The following CAMKMT variants were observed in gnomAD, a reference collection of about 807,000 sequenced individuals.
CAMKMT encodes CaM KMT.
CAMKMT carries 53 observed loss-of-function variants against 48.0 expected under a neutral mutation model. That is an observed-to-expected ratio of 1.10 (90% CI 0.89 to 1.39). The LOEUF is 1.39. Among genes scored for constraint, CAMKMT ranks in the 40% most tolerant of loss-of-function variants. The pLI, the probability that CAMKMT is intolerant of heterozygous loss-of-function variation, is 0.00. For missense variants in CAMKMT, 428 were observed against 402.7 expected (o/e 1.06, Z -0.54); for synonymous variants, 165 against 152.3 (o/e 1.08, Z -0.61).
At chr2:44,686,065 A>G (rs1396988676) in intron 3 of CAMKMT, among the ~76,000 whole-genome samples, 1 of 152,182 alleles carries the variant, frequency 6.6e-6, no homozygotes, top group African/African-American at 2.4e-5. Context: ...AGACACCTTC[A>G]TCAGCTCTCA....
At chr2:44,456,260 C>T (rs1667557931) in intron 3 of CAMKMT, among the ~76,000 whole-genome samples, 2 of 152,058 alleles carry the variant, frequency 1.3e-5, no homozygotes, top group Non-Finnish European at 2.9e-5. Flanking sequence ...ACTTGAATTA[C>T]AACAAAAGAG....
intron 3 of CAMKMT, among the ~76,000 whole-genome samples, chr2:44,686,266 G>A (rs1475848539): frequency 1.3e-5 from 2 of 151,736 alleles, no homozygotes; most frequent in Non-Finnish European, 2.9e-5. Context: ...GGTGGCGGGC[G>A]CCTGTAGTCC....
chr2:44,581,393 AT>A (rs770340419), intron 3 of CAMKMT, among the ~76,000 whole-genome samples: 25 of 152,200 alleles, frequency 1.6e-4, no homozygotes, highest in Non-Finnish European at 3.4e-4. Flanking sequence ...AGAGCTTGGA[AT>A]TAAATCTGTT....
rs572375370 is a variant in CAMKMT at position 44,758,011 on chromosome 2, TG to T, written c.762+3894del. On this transcript the variant is annotated intron_variant, in intron 9 of 10. Transcript: ENST00000378494. ...CCCCTGCACATGTATCCTGAACACC[TG>T]TAGCAGGCCCTGTACTGGTTCTGGG... 1.7e-4 allele frequency among the ~76,000 whole-genome samples: 26 copies of T among 152,318 alleles called. No homozygotes were observed. The South Asian group carries it at 3.7e-3, about 22-fold the overall frequency.
intron 3 of CAMKMT, among the ~76,000 whole-genome samples, chr2:44,437,091 C>G (rs1057293805): frequency 2.0e-5 from 3 of 152,080 alleles, no homozygotes; most frequent in Non-Finnish European, 4.4e-5. Flanking sequence ...GCTTACTATT[C>G]TGTCCAGATT....
intron 3 of CAMKMT, among the ~76,000 whole-genome samples, chr2:44,429,517 T>TTTG (rs999723745): frequency 1.1e-4 from 17 of 152,054 alleles, no homozygotes; most frequent in African/African-American, 3.9e-4. Flanking sequence ...TTCCAAGGTT[T>TTTG]TTGTTGTTGT....
At chr2:44,579,592 T>C (rs4952716) in intron 3 of CAMKMT, among the ~76,000 whole-genome samples, 94,691 of 152,092 alleles carry the variant, frequency 0.62, 30,005 homozygotes, top group Admixed American at 0.69. Flanking sequence ...CTCACTCGCA[T>C]TACTGCCCAC....
Position 44,362,005 on chromosome 2 carries a change from GAGATGGAGTCGCGAGTCGCGGA to G in CAMKMT, c.-2_20del. ...ACCTCCGGGTGTGGAAGGCTCCAGT[GAGATGGAGTCGCGAGTCGCGGA>G]CGCTGGGACCGGCGAGACCGCGCGA... On this transcript the variant is annotated start_lost and 5_prime_UTR_variant, in exon 1 of 11. Coordinates refer to ENST00000378494, the MANE Select transcript of CAMKMT (RefSeq NM_024766.5). The G allele has an allele frequency of 1.4e-6, 2 of 1,405,934 alleles. No individual in the cohort carries two copies. Among genetic ancestry groups the G allele is most frequent in the Non-Finnish European group, 9.2e-7 (1 of 1,086,178 alleles). The allele number at this position is 1,405,934 out of a possible 1,614,324, so 87.1% of individuals were successfully genotyped here.
chr2:44,510,452 A>G (rs1240585247), intron 3 of CAMKMT, among the ~76,000 whole-genome samples: 1 of 152,200 alleles, frequency 6.6e-6, no homozygotes, highest in African/African-American at 2.4e-5. Context: ...TGACTCAATT[A>G]CTGGTAATGT....
intron 3 of CAMKMT, among the ~76,000 whole-genome samples, chr2:44,654,089 A>T (rs1290185785): frequency 1.3e-5 from 2 of 152,322 alleles, no homozygotes; most frequent in African/African-American, 2.4e-5. Flanking sequence ...TTACCAGAGA[A>T]AGCTAGTGCC....
At chr2:44,506,166 G>T (rs1247994999) in intron 3 of CAMKMT, among the ~76,000 whole-genome samples, 4 of 152,090 alleles carry the variant, frequency 2.6e-5, no homozygotes, top group African/African-American at 9.7e-5. Flanking sequence ...GAAACTAAAA[G>T]TTTAAATCTG....
intron 3 of CAMKMT, among the ~76,000 whole-genome samples, chr2:44,538,966 G>C (rs1370473944): frequency 5.1e-5 from 4 of 78,862 alleles, no homozygotes; most frequent in Admixed American, 1.5e-4. Flanking sequence ...GTCTGTGTGT[G>C]TGTGTGTGTG....
intron 10 of CAMKMT, among the ~76,000 whole-genome samples, chr2:44,770,646 G>A (rs868340409): frequency 7.9e-5 from 12 of 152,254 alleles, no homozygotes; most frequent in Non-Finnish European, 1.8e-4. Flanking sequence ...AGGGCAACTG[G>A]CAACAAAAGT....
chr2:44,445,840 C>T (rs1031702152), intron 3 of CAMKMT, among the ~76,000 whole-genome samples: 3 of 151,990 alleles, frequency 2.0e-5, no homozygotes, highest in African/African-American at 7.2e-5. Context: ...TTCAGACCAT[C>T]AAACTCCAAA....
chr2:44,458,774 A>T (rs1433146576), intron 3 of CAMKMT, among the ~76,000 whole-genome samples: 5 of 152,140 alleles, frequency 3.3e-5, no homozygotes, highest in Admixed American at 2.6e-4. Flanking sequence ...ACAAGTGAAT[A>T]CTCCTATAGC....
chr2:44,438,496 C>G (rs1219739724), intron 3 of CAMKMT, among the ~76,000 whole-genome samples: 2 of 152,128 alleles, frequency 1.3e-5, no homozygotes, highest in Non-Finnish European at 2.9e-5. Context: ...GAGTAGTCCT[C>G]AACAACTATA....
chr2:44,666,163 A>G (rs1360305903), intron 3 of CAMKMT, among the ~76,000 whole-genome samples: 1 of 152,232 alleles, frequency 6.6e-6, no homozygotes, highest in Non-Finnish European at 1.5e-5. Flanking sequence ...TTTATAACTT[A>G]AGCATAGATA....
chr2:44,769,669 C>T (rs554659284), intron 10 of CAMKMT, among the ~76,000 whole-genome samples: 2 of 151,326 alleles, frequency 1.3e-5, no homozygotes, highest in Admixed American at 6.6e-5. Flanking sequence ...TATAAACTTT[C>T]GCAAAACCAC....
rs115212693 is a variant in CAMKMT at position 44,505,798 on chromosome 2, C to G, written c.376+115493C>G. Among the ~76,000 whole-genome samples, 693 of 152,188 alleles carry G rather than the reference C, an allele frequency of 4.6e-3. 4 individuals carry two copies. The highest frequency in any genetic ancestry group is 0.016 in the African/African-American group (662 of 41,520). ...CAACTGTGCTTCCTTTATAAAATGT[C>G]AGCTTGTTCCTGTTACATTAAGGAG... On this transcript the variant is annotated intron_variant, in intron 3 of 10. Transcript: ENST00000378494.
Sources: allele counts gnomAD v4.1 joint callset (sites outside exome capture counted in the v4.1 genomes callset), GRCh38; gene constraint gnomAD v4.1.1; transcripts MANE v1.5; gene names NCBI Gene and HGNC (gene_info 2026-07-23, HGNC 2026-07-21).